Variants in YAP1 observed in about 807,000 individuals in gnomAD.
YAP1 encodes the protein Yes1 associated transcriptional regulator, also known as transcriptional coactivator YAP1.
YAP1 carries 5 observed loss-of-function variants against 56.9 expected under a neutral mutation model. The ratio of observed to expected loss-of-function variants is 0.09; its 90% CI spans 0.05 to 0.18. YAP1 has a LOEUF of 0.18. YAP1 is among the 10% of genes least tolerant of loss of function. YAP1 has a pLI of 1.00. For synonymous variants in YAP1, 265 were observed against 248.1 expected (o/e 1.07, Z -0.64); for missense variants, 539 against 651.8 (o/e 0.83, Z 1.88).
chr11:102,162,978 T>A (rs567847355), intron 3 of YAP1, among the ~76,000 whole-genome samples: 271 of 38,284 alleles, frequency 7.1e-3, no homozygotes, highest in African/African-American at 0.015. Flanking sequence ...TATTATTATT[T>A]TTTTTTTCAT....
chr11:102,165,588 T>A (rs1946557565), intron 3 of YAP1, among the ~76,000 whole-genome samples: 1 of 152,028 alleles, frequency 6.6e-6, no homozygotes, highest in African/African-American at 2.4e-5. Context: ...AAGAAGGAAC[T>A]GAAATGAGAA....
intron 2 of YAP1, among the ~76,000 whole-genome samples, chr11:102,144,970 G>T (rs934498116): frequency 6.6e-6 from 1 of 151,798 alleles, no homozygotes; most frequent in Non-Finnish European, 1.5e-5. Context: ...CTATTTCTGA[G>T]CACAGAGTCT....
In YAP1 at chr11:102,110,989, A is replaced by T. The variant is rs753600114; in HGVS notation, c.141A>T (p.Ala47=). 6 of 1,552,128 alleles carry T rather than the reference A, an allele frequency of 3.9e-6. No individual in the cohort carries two copies. Among genetic ancestry groups the T allele is most frequent in the South Asian group, 3.5e-5 (3 of 85,592 alleles). The change falls in exon 1 of 9, where the codon GCA becomes GCT. Residue 47 remains alanine, a synonymous_variant. Transcript: ENST00000282441. ...CGGCGACCCAGGCGGCGCCGCAGGC[A>T]CCCCCCGCCGGGCATCAGATCGTGC... is the stretch of plus-strand genomic sequence containing the variant. ...APAATQAAPQ[A]PPAGHQIVHV... is the part of the protein sequence containing the mutation.
chr11:102,218,608 G>A (rs936554200), intron 6 of YAP1, among the ~76,000 whole-genome samples: 3 of 152,124 alleles, frequency 2.0e-5, no homozygotes, highest in Admixed American at 1.3e-4. Flanking sequence ...TAAGTAAAGT[G>A]TCTTTTTTTC....
intron 4 of YAP1, among the ~76,000 whole-genome samples, chr11:102,187,906 G>T (rs1354083218): frequency 1.3e-5 from 2 of 151,984 alleles, no homozygotes; most frequent in Non-Finnish European, 2.9e-5. Context: ...TCCCTTTTTG[G>T]GCCCACCGTG....
In YAP1 at chr11:102,110,724, C is replaced by A; in HGVS notation, c.-125C>A. The A allele has an allele frequency of 1.1e-6, 1 of 887,164 alleles. No homozygotes were observed. Among genetic ancestry groups the A allele is most frequent in the Non-Finnish European group, 1.4e-6 (1 of 691,598 alleles). 55.0% of individuals were successfully genotyped at this position (887,164 alleles called of 1,614,324 possible). A position where few individuals can be genotyped will look rare whatever the true frequency, so the allele number is the denominator to read the frequency against. On this transcript the variant is annotated 5_prime_UTR_variant, in exon 1 of 9. Transcript: ENST00000282441. ...CGGCGCAGCCCCCCGGCCCTGAGAG[C>A]GAGGACAGCGCCGCCCGGCCCGCAG...
At position 102,222,293 on chromosome 11, in the gene YAP1, C is replaced by CA. The variant is rs560686260; in HGVS notation, c.1033-1324dup. ...AACTGTATGTATTTCAAATCAAACC[C>CA]AAAAAGTAGAGGGAAAGAAAGCTGA... is the stretch of plus-strand genomic sequence containing the variant. On this transcript the variant is annotated intron_variant, in intron 6 of 8. Transcript: ENST00000282441. Among the ~76,000 whole-genome samples the CA allele has an allele frequency of 1.8e-3, 271 of 152,082 alleles. 1 individual carries two copies. Among genetic ancestry groups the CA allele is most frequent in the Non-Finnish European group, 3.5e-3 (239 of 67,982 alleles).
At chr11:102,152,468 G>C (rs1945711641) in intron 2 of YAP1, among the ~76,000 whole-genome samples, 1 of 152,136 alleles carries the variant, frequency 6.6e-6, no homozygotes, top group African/African-American at 2.4e-5. Flanking sequence ...GTTTTGTCTA[G>C]GGAAAGCCAG....
intron 2 of YAP1, among the ~76,000 whole-genome samples, chr11:102,148,128 T>C (rs952871498): frequency 6.6e-6 from 1 of 152,212 alleles, no homozygotes; most frequent in Non-Finnish European, 1.5e-5. Context: ...ATGCTTTTAC[T>C]CTGTTTTAAA....
chr11:102,195,752 A>AC (rs1236996722), intron 4 of YAP1, among the ~76,000 whole-genome samples: 2 of 152,206 alleles, frequency 1.3e-5, no homozygotes, highest in African/African-American at 4.8e-5. Context: ...GCCATGCTGA[A>AC]CTGTAAATCT....
chr11:102,146,027 G>A (rs545468528), intron 2 of YAP1, among the ~76,000 whole-genome samples: 8 of 152,312 alleles, frequency 5.3e-5, no homozygotes, highest in African/African-American at 1.9e-4. Flanking sequence ...GGTCAAGTTA[G>A]TTAAGTCAGA....
chr11:102,142,568 G>A (rs906128810), intron 2 of YAP1, among the ~76,000 whole-genome samples: 3 of 152,194 alleles, frequency 2.0e-5, no homozygotes, highest in South Asian at 4.1e-4. Flanking sequence ...CAGAGCCATG[G>A]CATAGCCAGA....
intron 4 of YAP1, among the ~76,000 whole-genome samples, chr11:102,202,118 AT>A (rs1243924578): frequency 4.6e-5 from 7 of 151,828 alleles, no homozygotes; most frequent in African/African-American, 9.7e-5. Context: ...TTTCATAATG[AT>A]TTTTTTTCCC....
At chr11:102,210,633 G>T (rs1482050189) in intron 6 of YAP1, among the ~76,000 whole-genome samples, 2 of 152,146 alleles carry the variant, frequency 1.3e-5, no homozygotes, top group African/African-American at 4.8e-5. Context: ...ATGATGAGGG[G>T]GCACTAATAT....
At chr11:102,142,730 T>A (rs1945092014) in intron 2 of YAP1, among the ~76,000 whole-genome samples, 2 of 152,264 alleles carry the variant, frequency 1.3e-5, no homozygotes, top group South Asian at 4.1e-4. Flanking sequence ...TTAGATTGTT[T>A]GGATTGTCAA....
intron 2 of YAP1, among the ~76,000 whole-genome samples, chr11:102,120,693 T>C (rs1943596872): frequency 6.6e-6 from 1 of 152,228 alleles, no homozygotes; most frequent in Non-Finnish European, 1.5e-5. Flanking sequence ...GAGTTCTGTT[T>C]GTTTTTAAAG....
intron 2 of YAP1, among the ~76,000 whole-genome samples, chr11:102,151,161 A>G (rs1945634817): frequency 6.6e-6 from 1 of 152,122 alleles, no homozygotes; most frequent in African/African-American, 2.4e-5. Context: ...CTAGAATAGT[A>G]CTTCTCAACA....
chr11:102,153,112 C>G (rs1019601098), intron 2 of YAP1, among the ~76,000 whole-genome samples: 1 of 152,178 alleles, frequency 6.6e-6, no homozygotes, highest in African/African-American at 2.4e-5. Flanking sequence ...TTGAAATTTT[C>G]CTTTTCTCTT....
chr11:102,202,092 AT>A (rs980835049), intron 4 of YAP1, among the ~76,000 whole-genome samples: 7 of 152,032 alleles, frequency 4.6e-5, no homozygotes, highest in Admixed American at 2.0e-4. Flanking sequence ...TCATAAACAT[AT>A]TTTCAAATCT....
Sources: gnomAD v4.1 joint callset for allele counts (sites outside exome capture counted in the v4.1 genomes callset) on GRCh38, gnomAD v4.1.1 for gene constraint, MANE v1.5 for transcripts, NCBI Gene and HGNC (gene_info 2026-07-23, HGNC 2026-07-21) for gene names.